RPS6KC1: variants seen among roughly 807,000 people sequenced by gnomAD.
The protein encoded by RPS6KC1 is ribosomal protein S6 kinase C1, also known as inactive ribosomal protein S6 kinase delta-1.
In RPS6KC1, 54 loss-of-function variants were observed where a neutral mutation model predicts 103.8. The observed-to-expected ratio is 0.52, with a 90% CI of 0.42 to 0.65. The LOEUF (loss-of-function observed/expected upper bound fraction) is 0.65, where lower values mean the gene tolerates loss of function less well. RPS6KC1 is among the 30% of genes least tolerant of loss of function. RPS6KC1 has a pLI of 0.00. For missense variants in RPS6KC1, 1,151 were observed against 1,253.8 expected, an observed-to-expected ratio of 0.92 and a Z score of 1.24; for synonymous variants, 439 against 438.7, an observed-to-expected ratio of 1.00 and a Z score of -0.01.
chr1:213,514,207 A>G, the RPS6KC1 span, among the ~76,000 whole-genome samples: 12 of 152,308 alleles, frequency 7.9e-5, no homozygotes, highest in Admixed American at 6.5e-4. Context: ...GCCTTTGATT[A>G]ATAAATAAAT....
chr1:213,361,828 G>A, the RPS6KC1 span, among the ~76,000 whole-genome samples: 7 of 152,176 alleles, frequency 4.6e-5, no homozygotes, highest in African/African-American at 7.2e-5. Context: ...TGGCTATGGC[G>A]TCTTTGCGGC....
chr1:213,077,501 C>T (rs2079450477), intron 2 of RPS6KC1, among the ~76,000 whole-genome samples, 195 bp from the exon 3 acceptor site: 1 of 151,972 alleles, frequency 6.6e-6, no homozygotes, highest in Non-Finnish European at 1.5e-5. Flanking sequence ...ATATTATTTT[C>T]CTGGTCAGCA....
the RPS6KC1 span, among the ~76,000 whole-genome samples, chr1:213,525,952 G>A: frequency 1.2e-4 from 18 of 152,214 alleles, no homozygotes; most frequent in Admixed American, 3.3e-4. Context: ...TTGTGCTGCT[G>A]ATAGGGAAGA....
chr1:213,323,871 A>C, the RPS6KC1 span, among the ~76,000 whole-genome samples: 4 of 152,292 alleles, frequency 2.6e-5, no homozygotes, highest in African/African-American at 7.2e-5. Flanking sequence ...GACACATCAT[A>C]ATCATCATCA....
chr1:213,581,948 C>G, the RPS6KC1 span, among the ~76,000 whole-genome samples: 1 of 151,982 alleles, frequency 6.6e-6, no homozygotes, highest in Non-Finnish European at 1.5e-5. Flanking sequence ...TTCCTCCAAG[C>G]AAAAGCTGAT....
the RPS6KC1 span, among the ~76,000 whole-genome samples, chr1:213,674,819 A>G: frequency 6.6e-6 from 1 of 151,958 alleles, no homozygotes; most frequent in Admixed American, 6.6e-5. Flanking sequence ...TTAACTTTTT[A>G]ATAATAGCCA....
chr1:213,858,243 T>A, the RPS6KC1 span, among the ~76,000 whole-genome samples: 1 of 152,236 alleles, frequency 6.6e-6, no homozygotes, highest in Non-Finnish European at 1.5e-5. Context: ...AACAACTGTA[T>A]GATTATCCCT....
At chr1:213,317,789 G>C in the RPS6KC1 span, among the ~76,000 whole-genome samples, 3 of 152,222 alleles carry the variant, frequency 2.0e-5, no homozygotes, top group Non-Finnish European at 4.4e-5. Flanking sequence ...TAGTAGAGTT[G>C]TGCCAGATGT....
At chr1:213,366,402 C>T in the RPS6KC1 span, among the ~76,000 whole-genome samples, 51 of 152,306 alleles carry the variant, frequency 3.3e-4, 1 homozygote, top group African/African-American at 8.9e-4. Flanking sequence ...TTCCCTTTCT[C>T]GGCCCCATAG....
At chr1:213,153,967 G>A (rs1422946413) in intron 6 of RPS6KC1, among the ~76,000 whole-genome samples, 3 of 152,102 alleles carry the variant, frequency 2.0e-5, no homozygotes, top group Non-Finnish European at 4.4e-5. Flanking sequence ...CTGCTTTAGG[G>A]CTCACCACAA....
intron 7 of RPS6KC1, among the ~76,000 whole-genome samples, chr1:213,168,731 T>C (rs1183867969): frequency 2.0e-5 from 3 of 152,118 alleles, no homozygotes; most frequent in Non-Finnish European, 4.4e-5. Flanking sequence ...CACGCCATTC[T>C]CCTGCCTCAG....
chr1:213,116,536 C>T lies in RPS6KC1; in HGVS notation c.379-781C>T, dbSNP rs557502449. Among the ~76,000 whole-genome samples, 31 of 132,652 alleles carry T rather than the reference C, an allele frequency of 2.3e-4. No individual in the cohort carries two copies. In the East Asian group the frequency reaches 3.3e-3, roughly 14 times the overall value. The allele number at this position is 132,652 out of a possible 152,430, so 87.0% of individuals were successfully genotyped here. A position where few individuals can be genotyped will look rare whatever the true frequency, so the allele number is the denominator to read the frequency against. ...GCCAGTCTGTGTCTTTTAATTGGAG[C>T]ATTTAGTCCATTTACATTTAAAGTT... On this transcript the variant is annotated intron_variant, in intron 4 of 14. Coordinates refer to ENST00000366960, the MANE Select transcript of RPS6KC1 (RefSeq NM_012424.6).
chr1:213,145,360 T>TA lies in RPS6KC1; in HGVS notation c.835+15472dup, dbSNP rs1460285171. 7.9e-5 allele frequency among the ~76,000 whole-genome samples: 12 copies of TA among 152,064 alleles called. No homozygotes were observed. In the Admixed American group the frequency reaches 7.9e-4, roughly 10 times the overall value. On this transcript the variant is annotated intron_variant, in intron 6 of 14. Transcript: ENST00000366960. ...GTTGAGAGGCTAGGAAGAATGAAGT[T>TA]AGAGTTTGTAGTTAGAGCTTGCAGG...
chr1:213,219,067 G>A (rs907542100), intron 8 of RPS6KC1, among the ~76,000 whole-genome samples: 13 of 152,184 alleles, frequency 8.5e-5, no homozygotes, highest in Non-Finnish European at 1.6e-4. Context: ...CCATCAGAGT[G>A]AACAGCCAAC....
the RPS6KC1 span, among the ~76,000 whole-genome samples, chr1:213,384,761 CAGGTGTCCAGGT>C: frequency 3.8e-3 from 585 of 152,294 alleles, 8 homozygotes; most frequent in Middle Eastern, 3.4e-3. Flanking sequence ...TTCTCACTTG[CAGGTGTCCAGGT>C]ACAGGTATAT....
the RPS6KC1 span, among the ~76,000 whole-genome samples, chr1:213,694,012 G>A: frequency 1.3e-5 from 2 of 152,178 alleles, no homozygotes; most frequent in African/African-American, 4.8e-5. Flanking sequence ...CAATAGCTCA[G>A]TGGGGCGATA....
chr1:213,243,410 GGTGCC>G (rs1305682693), intron 12 of RPS6KC1, among the ~76,000 whole-genome samples: 5 of 152,028 alleles, frequency 3.3e-5, no homozygotes, highest in African/African-American at 1.2e-4. Flanking sequence ...ATGAGCCCAT[GGTGCC>G]TGGCACAATG....
chr1:213,610,021 C>T, the RPS6KC1 span, among the ~76,000 whole-genome samples: 1 of 152,052 alleles, frequency 6.6e-6, no homozygotes, highest in African/African-American at 2.4e-5. Context: ...CTTTTTCAGT[C>T]AGATTTTGTA....
At chr1:213,760,955 AT>A in the RPS6KC1 span, among the ~76,000 whole-genome samples, 112,968 of 150,098 alleles carry the variant, frequency 0.75, 42,670 homozygotes, top group East Asian at 0.98. Context: ...ACATGGGCTA[AT>A]TTTTTTTTTA....
Sources: allele counts gnomAD v4.1 joint callset (sites outside exome capture counted in the v4.1 genomes callset), GRCh38; gene constraint gnomAD v4.1.1; transcripts MANE v1.5; gene names NCBI Gene and HGNC (gene_info 2026-07-23, HGNC 2026-07-21).